The following KCNN1 variants were observed in gnomAD, a reference collection of about 807,000 sequenced individuals.
KCNN1 encodes potassium calcium-activated channel subfamily N member 1.
Under a neutral mutation model 44.7 loss-of-function variants are expected in KCNN1, and 20 were observed. The ratio of observed to expected loss-of-function variants is 0.45; its 90% CI spans 0.32 to 0.65. KCNN1 has a LOEUF of 0.65. Ranked by LOEUF, KCNN1 falls within the 30% of genes least tolerant of loss-of-function variation. The probability of loss-of-function intolerance (pLI) is 0.05; values close to 1 mark genes in which losing one functional copy is unlikely to be tolerated. For synonymous variants in KCNN1, 324 were observed against 341.7 expected (o/e 0.95, Z 0.57); for missense variants, 632 against 785.3 (o/e 0.80, Z 2.33).
Position 17,998,405 on chromosome 19 carries a change from G to A in KCNN1, c.1631G>A (p.Ter544=). The stretch of plus-strand genomic sequence containing the variant: ...CCCGTGGCCCCCTCGGACTGCGGGT[G>A]ACGGCCCTGCCCGCCACCAGACCCC... The part of the protein sequence containing the change: ...WTPVAPSDCG[*] Residue 544 remains the stop codon, a stop_retained_variant, in exon 10 of 10, where the codon TGA becomes TAA. Transcript: ENST00000684775. This position sits in a 1 kb window ranked among gnomAD's most constrained non-coding sequence, Gnocchi z 5.4. 6.8e-7 allele frequency: 1 copy of A among 1,471,520 alleles called. No homozygotes were observed. Among genetic ancestry groups the A allele is most frequent in the Non-Finnish European group, 8.9e-7 (1 of 1,118,306 alleles). 91.2% of individuals were successfully genotyped at this position (1,471,520 alleles called of 1,614,324 possible).
upstream of KCNN1, chr19:17,967,028 C>G: frequency 1.5e-6 from 1 of 664,188 alleles, no homozygotes; most frequent in South Asian, 6.6e-5. Context: ...GCGGGGTCGT[C>G]GAAGGCGGTG....
At chr19:17,965,076 C>T (rs776537155), upstream of KCNN1, among the ~76,000 whole-genome samples, 2 of 151,894 alleles carry the variant, frequency 1.3e-5, no homozygotes, top group Non-Finnish European at 2.9e-5. Context: ...ACCAGCCTGG[C>T]CAACATGGTG....
chr19:17,966,564 C>T (rs2031814105), upstream of KCNN1, among the ~76,000 whole-genome samples: 1 of 152,056 alleles, frequency 6.6e-6, no homozygotes, highest in Non-Finnish European at 1.5e-5. Flanking sequence ...TCCAGACGGG[C>T]GTCTCTCCTC....
chr19:17,975,102 A>C lies in KCNN1; in HGVS notation c.413A>C (p.Tyr138Ser). Residue 138 changes from tyrosine to serine, a missense_variant, in exon 3 of 10, where the codon TAC becomes TCC. Around this residue, in one of 3 missense-constraint regions of KCNN1, gnomAD observed 235 missense variants for 224.0 expected, o/e 1.05. Transcript: ENST00000684775. ...CTCTCTCTTTACCAGGAGTCTCTGT[A>C]CTCATTCGCACTCAAATGCCTCATC... ...SWGVYTKESLYSFALKCLISL... is the reference protein window; with the variant it reads ...SWGVYTKESLSSFALKCLISL... 1 of 1,613,050 alleles carries C rather than the reference A, an allele frequency of 6.2e-7. No homozygotes were observed. Among genetic ancestry groups the C allele is most frequent in the Non-Finnish European group, 8.5e-7 (1 of 1,179,330 alleles).
intron 1 of KCNN1, among the ~76,000 whole-genome samples, chr19:17,969,361 G>T (rs565086801): frequency 6.6e-6 from 1 of 152,150 alleles, no homozygotes; most frequent in South Asian, 2.1e-4. Flanking sequence ...TCTGTCTCCC[G>T]TCTGTAAAAT....
chr19:17,993,263 C>T lies in KCNN1; in HGVS notation c.1307+201C>T, dbSNP rs1378095391. Among the ~76,000 whole-genome samples the T allele has an allele frequency of 2.0e-5, 3 of 152,130 alleles. No individual in the cohort carries two copies. Among genetic ancestry groups the T allele is most frequent in the Admixed American group, 6.5e-5 (1 of 15,270 alleles). On this transcript the variant is annotated intron_variant, in intron 8 of 9. Transcript: ENST00000684775. This position sits in a 1 kb window ranked among gnomAD's most constrained non-coding sequence, Gnocchi z 4.5. ...GTCCTGAGTTGGGCCGGAGACAGGA[C>T]CAGCCAATGGGTGGTGTGGGCGGTG...
intron 5 of KCNN1, 32 bp downstream of exon 5, chr19:17,985,485 G>A (rs750487495): frequency 3.3e-6 from 5 of 1,517,048 alleles, no homozygotes; most frequent in South Asian, 2.6e-5. Flanking sequence ...TATGATCCTG[G>A]GAGGTCCAGC....
In KCNN1 at chr19:17,993,693, G is replaced by A. The variant is rs1452495134; in HGVS notation, c.1377+134G>A. The A allele has an allele frequency of 1.4e-6, 1 of 704,122 alleles. No individual in the cohort carries two copies. The highest frequency in any genetic ancestry group is 1.8e-5 in the African/African-American group (1 of 56,970). 43.6% of individuals were successfully genotyped at this position (704,122 alleles called of 1,614,324 possible). On this transcript the variant is annotated intron_variant, in intron 9 of 9. Transcript: ENST00000684775. This position sits in a 1 kb window ranked among gnomAD's most constrained non-coding sequence, Gnocchi z 4.5. ...GAGTGCAGTGGCGGGCGGATCGCTT[G>A]AGCTCAGGAGTTTGAGACCAGCCTG...
rs1044935930 is a variant in KCNN1 at position 17,983,513 on chromosome 19, G to C, written c.917+1386G>C. 6.6e-6 allele frequency among the ~76,000 whole-genome samples: 1 copy of C among 152,120 alleles called. No homozygotes were observed. Among genetic ancestry groups the C allele is most frequent in the Non-Finnish European group, 1.5e-5 (1 of 67,998 alleles). On this transcript the variant is annotated intron_variant, in intron 4 of 9. Coordinates refer to ENST00000684775, the MANE Select transcript of KCNN1 (RefSeq NM_001386974.1). The surrounding 1 kb of genome is among the most constrained non-coding windows in gnomAD (Gnocchi z 4.5). ...CAGCTCTCACACCCCTGATGGGTGGGGTCAGAACTAGGGTTAGGGGTATGG... is the reference window on the plus strand; with the variant it reads ...CAGCTCTCACACCCCTGATGGGTGGCGTCAGAACTAGGGTTAGGGGTATGG...
chr19:17,962,289 C>T (rs987946033), upstream of KCNN1, among the ~76,000 whole-genome samples: 9 of 152,188 alleles, frequency 5.9e-5, no homozygotes, highest in African/African-American at 1.4e-4. Flanking sequence ...CTGTCACGCC[C>T]AGGCTCCCAC....
chr19:17,998,750 C>T lies in KCNN1; in HGVS notation c.*344C>T, dbSNP rs546381537. On this transcript the variant is annotated 3_prime_UTR_variant, in exon 10 of 10. Coordinates refer to ENST00000684775, the MANE Select transcript of KCNN1 (RefSeq NM_001386974.1). This position sits in a 1 kb window ranked among gnomAD's most constrained non-coding sequence, Gnocchi z 5.4. Reference sequence around the variant, plus strand: ...TGGCTGGAAGGCACTGGTGATGTCCCAGGAGGTAGACCTCCAGCCCTGGGT... The same window carrying T: ...TGGCTGGAAGGCACTGGTGATGTCCTAGGAGGTAGACCTCCAGCCCTGGGT... The T allele has an allele frequency of 1.2e-5, 3 of 240,016 alleles. No individual in the cohort carries two copies. Among genetic ancestry groups the T allele is most frequent in the Non-Finnish European group, 2.4e-5 (3 of 124,742 alleles). The allele number at this position is 240,016 out of a possible 1,614,324, so 14.9% of individuals were successfully genotyped here.
chr19:17,973,815 C>A lies in KCNN1; in HGVS notation c.-74C>A. 6.6e-7 allele frequency: 1 copy of A among 1,524,000 alleles called. No individual in the cohort carries two copies. The allele number at this position is 1,524,000 out of a possible 1,614,324, so 94.4% of individuals were successfully genotyped here. A position where few individuals can be genotyped will look rare whatever the true frequency, so the allele number is the denominator to read the frequency against. On this transcript the variant is annotated 5_prime_UTR_variant, in exon 2 of 10. Transcript: ENST00000684775. ...CCCTCTGTGCCCTTGCAGGTCAGTG[C>A]AGGAGCCCAGCCGCTGAGCCATGCC...
In KCNN1 at chr19:17,993,470, C is replaced by G. The variant is rs528892351; in HGVS notation, c.1308-20C>G. ...ACGGGAACCTGCCTAACCCCCTCCC[C>G]CAACCCCGTGTCCCCACAGGCTCCG... On this transcript the variant is annotated intron_variant, in intron 8 of 9. Coordinates refer to ENST00000684775, the MANE Select transcript of KCNN1 (RefSeq NM_001386974.1). This position sits in a 1 kb window ranked among gnomAD's most constrained non-coding sequence, Gnocchi z 4.5. 3.1e-6 allele frequency: 5 copies of G among 1,608,176 alleles called. No homozygotes were observed. Among genetic ancestry groups the G allele is most frequent in the Non-Finnish European group, 4.3e-6 (5 of 1,176,018 alleles).
intron 7 of KCNN1, among the ~76,000 whole-genome samples, chr19:17,990,481 C>CAA (rs539345774): frequency 2.0e-4 from 19 of 94,740 alleles, no homozygotes; most frequent in African/African-American, 7.4e-4. Context: ...GACCTTGTCT[C>CAA]AAAAAAAAAA....
chr19:17,974,369 G>A lies in KCNN1; in HGVS notation c.402+79G>A. On this transcript the variant is annotated intron_variant, in intron 2 of 9. Transcript: ENST00000684775. This position sits in a 1 kb window ranked among gnomAD's most constrained non-coding sequence, Gnocchi z 7.3. ...GCTTTCTTGACATGGGGTTGGGGGT[G>A]GCAGGGCCCCCCGGGAGATAGGGAG... 1 of 1,454,068 alleles carries A rather than the reference G, an allele frequency of 6.9e-7. No homozygotes were observed. Among genetic ancestry groups the A allele is most frequent in the Non-Finnish European group, 9.1e-7 (1 of 1,100,812 alleles). The allele number at this position is 1,454,068 out of a possible 1,614,324, so 90.1% of individuals were successfully genotyped here.
chr19:17,959,466 C>T (rs531801961), intron 2 of KCNN1, among the ~76,000 whole-genome samples: 1 of 152,156 alleles, frequency 6.6e-6, no homozygotes, highest in East Asian at 1.9e-4. Flanking sequence ...CCATGTTGGC[C>T]AGGCTGGTCT....
Position 17,998,485 on chromosome 19 carries a change from C to T in KCNN1, c.*79C>T, listed in dbSNP as rs1477130430. ...TCCGGGAAGCCTTGTACAGTGGCGCCTCTTGGAGTTCAAGAAGCCAACGCT... is the reference window on the plus strand; with the variant it reads ...TCCGGGAAGCCTTGTACAGTGGCGCTTCTTGGAGTTCAAGAAGCCAACGCT... On this transcript the variant is annotated 3_prime_UTR_variant, in exon 10 of 10. Transcript: ENST00000684775. This position sits in a 1 kb window ranked among gnomAD's most constrained non-coding sequence, Gnocchi z 5.4. The T allele has an allele frequency of 2.2e-6, 3 of 1,342,150 alleles. No homozygotes were observed. Among genetic ancestry groups the T allele is most frequent in the Non-Finnish European group, 2.9e-6 (3 of 1,018,262 alleles). 83.1% of individuals were successfully genotyped at this position (1,342,150 alleles called of 1,614,324 possible).
upstream of KCNN1, among the ~76,000 whole-genome samples, chr19:17,966,618 G>T (rs1004227819): frequency 2.6e-5 from 4 of 152,106 alleles, no homozygotes; most frequent in Non-Finnish European, 5.9e-5. Flanking sequence ...CATGTACCCA[G>T]TCCCACCCCT....
chr19:17,972,438 G>T (rs183186803), intron 1 of KCNN1, among the ~76,000 whole-genome samples: 2 of 152,182 alleles, frequency 1.3e-5, no homozygotes, highest in South Asian at 4.1e-4. Flanking sequence ...AGGGAAACAG[G>T]CTAGCCTGAG....
Sources: gnomAD v4.1 joint callset for allele counts (sites outside exome capture counted in the v4.1 genomes callset) on GRCh38, gnomAD v4.1.1 for gene constraint, gnomAD v4.1.1 regional missense constraint, Gnocchi (gnomAD v3.1) non-coding constraint, MANE v1.5 for transcripts, NCBI Gene and HGNC (gene_info 2026-07-23, HGNC 2026-07-21) for gene names.